AGBL4: variants seen among roughly 807,000 people sequenced by gnomAD.
The protein encoded by AGBL4 is cytosolic carboxypeptidase 6.
A neutral mutation model predicts 66.4 loss-of-function variants in AGBL4; 58 were observed. That is an observed-to-expected ratio of 0.87 (90% CI 0.71 to 1.09). The LOEUF (loss-of-function observed/expected upper bound fraction) is 1.09, where lower values mean the gene tolerates loss of function less well. AGBL4 is among the 50% of genes least tolerant of loss of function. The pLI, the probability that AGBL4 is intolerant of heterozygous loss-of-function variation, is 0.00. For synonymous variants in AGBL4, 234 were observed against 222.9 expected (o/e 1.05, Z -0.44); for missense variants, 579 against 631.0 (o/e 0.92, Z 0.88).
intron 3 of AGBL4, among the ~76,000 whole-genome samples, chr1:49,535,536 A>T (rs1004532018): frequency 6.6e-6 from 1 of 151,750 alleles, no homozygotes; most frequent in African/African-American, 2.4e-5. Flanking sequence ...TACTTTAAAA[A>T]TCTACAGAAA....
chr1:48,572,692 G>A (rs1402463782), intron 11 of AGBL4, among the ~76,000 whole-genome samples: 3 of 152,096 alleles, frequency 2.0e-5, no homozygotes, highest in African/African-American at 7.2e-5. Context: ...AACTGAAGGG[G>A]GGGTGCGTCT....
intron 3 of AGBL4, among the ~76,000 whole-genome samples, chr1:49,380,750 T>A (rs1644585464): frequency 6.6e-6 from 1 of 152,152 alleles, no homozygotes; most frequent in Admixed American, 6.5e-5. Flanking sequence ...GGGGAAAGGA[T>A]TCCCTATTTA....
chr1:49,595,553 A>G (rs1644836449), intron 3 of AGBL4, among the ~76,000 whole-genome samples: 1 of 152,032 alleles, frequency 6.6e-6, no homozygotes, highest in African/African-American at 2.4e-5. Flanking sequence ...TTTTGGAAAC[A>G]TTGCTGTAGG....
chr1:49,137,021 G>A (rs1211802464), intron 4 of AGBL4, among the ~76,000 whole-genome samples: 1 of 152,122 alleles, frequency 6.6e-6, no homozygotes, highest in Non-Finnish European at 1.5e-5. Flanking sequence ...AGCAGAGAAT[G>A]CTTTATGAAC....
At chr1:49,103,690 G>A (rs965462169) in intron 4 of AGBL4, among the ~76,000 whole-genome samples, 2 of 152,058 alleles carry the variant, frequency 1.3e-5, no homozygotes, top group African/African-American at 4.8e-5. Flanking sequence ...TAGGTAACTG[G>A]TACTTGTGTT....
intron 6 of AGBL4, among the ~76,000 whole-genome samples, chr1:48,713,475 G>C (rs1438272361): frequency 1.3e-5 from 2 of 152,216 alleles, no homozygotes; most frequent in African/African-American, 4.8e-5. Context: ...GGGAAGCACA[G>C]AGCAGCTCTG....
At chr1:48,869,254 T>C (rs1315163642) in intron 5 of AGBL4, among the ~76,000 whole-genome samples, 1 of 152,208 alleles carries the variant, frequency 6.6e-6, no homozygotes, top group African/African-American at 2.4e-5. Flanking sequence ...GAACATATCC[T>C]AGCACTGATA....
At chr1:49,939,624 C>A (rs540296646) in intron 1 of AGBL4, among the ~76,000 whole-genome samples, 1 of 152,078 alleles carries the variant, frequency 6.6e-6, no homozygotes, top group Admixed American at 6.6e-5. Flanking sequence ...ATTTAATAAA[C>A]GGTGCTTGGA....
intron 5 of AGBL4, among the ~76,000 whole-genome samples, chr1:49,032,708 T>C (rs977624757): frequency 2.0e-5 from 3 of 152,260 alleles, no homozygotes; most frequent in Non-Finnish European, 4.4e-5. Flanking sequence ...AAAGAAGCTG[T>C]TGTGATTTCC....
At chr1:49,742,756 C>T (rs867039670) in intron 2 of AGBL4, among the ~76,000 whole-genome samples, 3 of 152,094 alleles carry the variant, frequency 2.0e-5, no homozygotes, top group African/African-American at 7.2e-5. Flanking sequence ...CACATATCTA[C>T]AACAATCTGA....
chr1:48,829,659 A>T (rs1033141814), intron 6 of AGBL4, among the ~76,000 whole-genome samples: 5 of 152,082 alleles, frequency 3.3e-5, no homozygotes, highest in Non-Finnish European at 5.9e-5. Context: ...AACAGAAAAT[A>T]GGGTAGTTGG....
intron 6 of AGBL4, among the ~76,000 whole-genome samples, chr1:48,862,547 T>A (rs1647581927): frequency 6.6e-6 from 1 of 152,092 alleles, no homozygotes; most frequent in South Asian, 2.1e-4. Context: ...GGTCTCTATT[T>A]CCTGACCTCG....
chr1:48,758,931 G>A, intron 6 of AGBL4: 1 of 1,569,060 alleles, frequency 6.4e-7, no homozygotes, highest in Non-Finnish European at 8.6e-7. Flanking sequence ...GCACGTCCTG[G>A]AGCCTCCGGT....
intron 11 of AGBL4, among the ~76,000 whole-genome samples, chr1:48,574,354 T>C (rs1014251429): frequency 2.6e-5 from 4 of 152,062 alleles, no homozygotes; most frequent in African/African-American, 9.7e-5. Context: ...TCCTTGTTTG[T>C]AAAATAGAGA....
At chr1:48,657,364 GA>G (rs879723906) in intron 7 of AGBL4, among the ~76,000 whole-genome samples, 2 of 152,164 alleles carry the variant, frequency 1.3e-5, no homozygotes, top group African/African-American at 2.4e-5. Context: ...TGTTCCAGCC[GA>G]AAAAAACCTG....
intron 3 of AGBL4, among the ~76,000 whole-genome samples, chr1:49,331,274 C>T (rs1022120303): frequency 6.6e-6 from 1 of 152,054 alleles, no homozygotes; most frequent in Non-Finnish European, 1.5e-5. Context: ...TCCAGCGGGT[C>T]GGGTCGAGCA....
Position 49,917,064 on chromosome 1 carries a change from C to A in AGBL4, c.35-65546G>T, listed in dbSNP as rs568424711. 1.4e-3 allele frequency among the ~76,000 whole-genome samples: 210 copies of A among 152,146 alleles called. 1 individual carries two copies. Among genetic ancestry groups the A allele is most frequent in the African/African-American group, 4.7e-3 (196 of 41,492 alleles). ...AGATTTTGTCACCACCAGGCCTGCC[C>A]AACAAGAGCTCCTGAAAGAAGCACT... is the stretch of plus-strand genomic sequence containing the variant. On this transcript the variant is annotated intron_variant, in intron 1 of 13. Coordinates refer to ENST00000371839, the MANE Select transcript of AGBL4 (RefSeq NM_032785.4).
At chr1:49,881,694 A>G (rs552403874) in intron 1 of AGBL4, among the ~76,000 whole-genome samples, 1 of 150,778 alleles carries the variant, frequency 6.6e-6, no homozygotes, top group African/African-American at 2.5e-5. Context: ...TCTTTTGAGA[A>G]GTGTCTGTTC....
intron 3 of AGBL4, among the ~76,000 whole-genome samples, chr1:49,609,144 G>GA (rs1645110380): frequency 6.6e-6 from 1 of 152,124 alleles, no homozygotes; most frequent in Non-Finnish European, 1.5e-5. Flanking sequence ...ACCACAAGGC[G>GA]ATATATGCAA....
Sources: allele counts gnomAD v4.1 joint callset (sites outside exome capture counted in the v4.1 genomes callset), GRCh38; gene constraint gnomAD v4.1.1; transcripts MANE v1.5; gene names NCBI Gene and HGNC (gene_info 2026-07-23, HGNC 2026-07-21).